The following PLA2G4A variants were observed in gnomAD, a reference collection of about 807,000 sequenced individuals.
The protein encoded by PLA2G4A is cytosolic phospholipase A2.
PLA2G4A carries 40 observed loss-of-function variants against 81.9 expected under a neutral mutation model. The ratio of observed to expected loss-of-function variants is 0.49; its 90% confidence interval spans 0.38 to 0.64. The LOEUF is 0.64. PLA2G4A is among the 30% of genes least tolerant of loss of function. The pLI is 0.00. For missense variants in PLA2G4A, 715 were observed against 905.1 expected, an observed-to-expected ratio of 0.79 and a Z score of 2.69; for synonymous variants, 302 against 296.9, an observed-to-expected ratio of 1.02 and a Z score of -0.18.
At chr1:186,904,432 G>A (rs189040145) in intron 5 of PLA2G4A, among the ~76,000 whole-genome samples, 4 of 152,340 alleles carry the variant, frequency 2.6e-5, no homozygotes, top group East Asian at 3.9e-4. Flanking sequence ...CAGGAAGTAC[G>A]TTTTTATCTG....
intron 2 of PLA2G4A, among the ~76,000 whole-genome samples, chr1:186,855,248 C>T (rs186370211): frequency 3.1e-4 from 47 of 152,052 alleles, no homozygotes; most frequent in African/African-American, 1.1e-3. Flanking sequence ...ATCCAATAAA[C>T]TCTTCAGTCC....
chr1:186,911,145 A>C, intron 6 of PLA2G4A, 103 bp from the exon 7 acceptor site: 1 of 882,568 alleles, frequency 1.1e-6, no homozygotes, highest in Non-Finnish European at 1.9e-6. Context: ...GGAAGCAGTC[A>C]GCATATATCA....
chr1:186,863,575 A>C (rs1401772035), intron 2 of PLA2G4A, among the ~76,000 whole-genome samples: 1 of 151,972 alleles, frequency 6.6e-6, no homozygotes, highest in East Asian at 1.9e-4. Context: ...GCTATAGAAC[A>C]CCAGTACTTA....
intron 15 of PLA2G4A, among the ~76,000 whole-genome samples, chr1:186,969,363 G>A (rs1657260886): frequency 6.6e-6 from 1 of 151,324 alleles, no homozygotes; most frequent in Non-Finnish European, 1.5e-5. Context: ...AGGGTAATTG[G>A]GATATCTATC....
At chr1:186,830,962 CTTTCTT>C (rs1228748666) in intron 1 of PLA2G4A, among the ~76,000 whole-genome samples, 1 of 27,318 alleles carries the variant, frequency 3.7e-5, no homozygotes, top group Non-Finnish European at 7.5e-5. Context: ...TGCTTGCTTT[CTTTCTT>C]TCTTTCTTTC....
At chr1:186,903,914 C>G (rs1654639109) in intron 5 of PLA2G4A, among the ~76,000 whole-genome samples, 1 of 152,178 alleles carries the variant, frequency 6.6e-6, no homozygotes, top group Non-Finnish European at 1.5e-5. Flanking sequence ...CAAAACCGGT[C>G]CCTGGTGCCA....
At chr1:186,920,774 C>T (rs920215246) in intron 7 of PLA2G4A, among the ~76,000 whole-genome samples, 4 of 152,218 alleles carry the variant, frequency 2.6e-5, no homozygotes, top group East Asian at 3.9e-4. Flanking sequence ...AGTAAGTCGG[C>T]GTTTCGCCTA....
chr1:186,863,208 T>C (rs1389324879), intron 2 of PLA2G4A, among the ~76,000 whole-genome samples: 1 of 152,200 alleles, frequency 6.6e-6, no homozygotes, highest in African/African-American at 2.4e-5. Flanking sequence ...TAGCTGTAAC[T>C]ACAGGTGTAC....
intron 14 of PLA2G4A, among the ~76,000 whole-genome samples, chr1:186,958,342 T>G (rs1317535679): frequency 6.6e-6 from 1 of 152,298 alleles, no homozygotes; most frequent in East Asian, 1.9e-4. Flanking sequence ...CACTTAACCA[T>G]ACATTCAGTG....
At chr1:186,905,752 A>G (rs918025699) in intron 5 of PLA2G4A, among the ~76,000 whole-genome samples, 16 of 152,150 alleles carry the variant, frequency 1.1e-4, no homozygotes, top group African/African-American at 3.1e-4. Flanking sequence ...AATATGTGTT[A>G]TCTGTTGTAT....
chr1:186,871,582 C>A lies in PLA2G4A; in HGVS notation c.115+1066C>A, dbSNP rs562690128. 5.9e-5 allele frequency among the ~76,000 whole-genome samples: 9 copies of A among 152,134 alleles called. No homozygotes were observed. The South Asian group carries it at 1.9e-3, about 32-fold the overall frequency. On this transcript the variant is annotated intron_variant, in intron 3 of 17. Transcript: ENST00000367466. Reference sequence around the variant, plus strand: ...AAGAAGTCCTAGGCAGAGAAAACAGCGTGTTCCAAAGCAAAAAGACCAGAA... The same window carrying A: ...AAGAAGTCCTAGGCAGAGAAAACAGAGTGTTCCAAAGCAAAAAGACCAGAA...
chr1:186,884,239 T>TACATCTA (rs1411838461), intron 3 of PLA2G4A, among the ~76,000 whole-genome samples: 5 of 150,900 alleles, frequency 3.3e-5, no homozygotes, highest in Admixed American at 6.6e-5. Flanking sequence ...ATTGAAGGAC[T>TACATCTA]ACATCTAATC....
At chr1:186,935,411 T>TA (rs1655908717) in intron 8 of PLA2G4A, among the ~76,000 whole-genome samples, 1 of 56,170 alleles carries the variant, frequency 1.8e-5, no homozygotes, top group African/African-American at 4.2e-5. Flanking sequence ...GGTTTTTATT[T>TA]TTTTTTTTTT....
In PLA2G4A at chr1:186,828,964, TTCTCTAAGTCCGGAGCTGAAAAAGG is replaced by T. The variant is rs1247282532; in HGVS notation, c.-140_-116del. On this transcript the variant is annotated 5_prime_UTR_variant, in exon 1 of 18. Coordinates refer to ENST00000367466, the MANE Select transcript of PLA2G4A (RefSeq NM_024420.3). ...AGCCCCTCCTACTCAGGATAAGACT[TTCTCTAAGTCCGGAGCTGAAAAAGG>T]ATCCTGACTGAAAGCTAGAGGCATT... The T allele has an allele frequency of 1.3e-5, 2 of 152,110 alleles. No individual in the cohort carries two copies. Among genetic ancestry groups the T allele is most frequent in the African/African-American group, 4.8e-5 (2 of 41,406 alleles). 9.4% of individuals were successfully genotyped at this position (152,110 alleles called of 1,614,324 possible).
intron 1 of PLA2G4A, among the ~76,000 whole-genome samples, chr1:186,837,505 G>A (rs1383294417): frequency 6.6e-6 from 1 of 151,518 alleles, no homozygotes; most frequent in Non-Finnish European, 1.5e-5. Context: ...CGAGGCAGGC[G>A]GATCACGAGG....
chr1:186,963,089 T>C lies in PLA2G4A; in HGVS notation c.1580-2320T>C, dbSNP rs895726112. 3.3e-5 allele frequency among the ~76,000 whole-genome samples: 5 copies of C among 152,268 alleles called. No homozygotes were observed. In the Middle Eastern group the frequency reaches 0.014, roughly 414 times the overall value. On this transcript the variant is annotated intron_variant, in intron 14 of 17. Transcript: ENST00000367466. ...CTCCTTTGTAAGAGTCGTATAAGAA[T>C]AGTAAATCTTATATATGAAATTTCT...
intron 5 of PLA2G4A, among the ~76,000 whole-genome samples, chr1:186,905,391 T>G (rs1654698796): frequency 9.1e-6 from 1 of 109,908 alleles, no homozygotes; most frequent in African/African-American, 4.8e-5. Flanking sequence ...GCAATTTTTA[T>G]GTATTTCTTG....
chr1:186,981,479 C>T (rs562611815), intron 17 of PLA2G4A, among the ~76,000 whole-genome samples: 2 of 152,234 alleles, frequency 1.3e-5, no homozygotes, highest in South Asian at 2.1e-4. Flanking sequence ...ACTGTCCCGA[C>T]CTATACACCT....
At chr1:186,973,951 T>A (rs1006484424) in intron 15 of PLA2G4A, among the ~76,000 whole-genome samples, 5 of 152,092 alleles carry the variant, frequency 3.3e-5, no homozygotes, top group African/African-American at 1.2e-4. Flanking sequence ...TTTTATGTAA[T>A]GAGAAACATT....
Sources: allele counts gnomAD v4.1 joint callset (sites outside exome capture counted in the v4.1 genomes callset), GRCh38; gene constraint gnomAD v4.1.1; transcripts MANE v1.5; gene names NCBI Gene and HGNC (gene_info 2026-07-23, HGNC 2026-07-21).